The following DOCK10 variants were observed in gnomAD, a reference collection of about 807,000 sequenced individuals.
The protein encoded by DOCK10 is dedicator of cytokinesis protein 10.
A neutral mutation model predicts 280.1 loss-of-function variants in DOCK10; 145 were observed. The ratio of observed to expected loss-of-function variants is 0.52; its 90% CI spans 0.45 to 0.59. The LOEUF (loss-of-function observed/expected upper bound fraction) is 0.59. Among genes scored for constraint, DOCK10 ranks in the 20% least tolerant of loss-of-function variants. The pLI, the probability that DOCK10 is intolerant of heterozygous loss-of-function variation, is 0.00. For missense variants in DOCK10, 2,368 were observed against 2,651.7 expected (o/e 0.89, Z 2.35); for synonymous variants, 915 against 942.2 (o/e 0.97, Z 0.53).
chr2:225,004,595 A>C (rs1448327833), intron 1 of DOCK10, among the ~76,000 whole-genome samples: 4 of 152,256 alleles, frequency 2.6e-5, no homozygotes, highest in African/African-American at 9.6e-5. Context: ...CCAGAGCCAC[A>C]GAGCTAGCCT....
chr2:224,931,318 G>T (rs533895969), intron 2 of DOCK10, among the ~76,000 whole-genome samples: 1 of 152,200 alleles, frequency 6.6e-6, no homozygotes, highest in Non-Finnish European at 1.5e-5. Flanking sequence ...ACCGGGCAGT[G>T]TCCTGGGCCT....
intron 25 of DOCK10, among the ~76,000 whole-genome samples, chr2:224,834,583 CTCCACTGG>C (rs1042460163): frequency 6.6e-6 from 1 of 152,188 alleles, no homozygotes; most frequent in Non-Finnish European, 1.5e-5. Context: ...CTTCTCCTTC[CTCCACTGG>C]TAACAGGTGG....
At chr2:224,886,888 AC>A (rs200245451) in intron 4 of DOCK10, among the ~76,000 whole-genome samples, 3 of 142,480 alleles carry the variant, frequency 2.1e-5, no homozygotes, top group South Asian at 2.2e-4. Context: ...CACCCCCAAC[AC>A]CCCCCCAAGT....
At chr2:224,979,689 G>A (rs1301039340) in intron 1 of DOCK10, among the ~76,000 whole-genome samples, 1 of 152,206 alleles carries the variant, frequency 6.6e-6, no homozygotes, top group Non-Finnish European at 1.5e-5. Flanking sequence ...ACTCCTTAGG[G>A]TCTTTCCTCA....
At chr2:224,937,932 G>T (rs1224276414) in intron 1 of DOCK10, among the ~76,000 whole-genome samples, 1 of 152,138 alleles carries the variant, frequency 6.6e-6, no homozygotes, top group Non-Finnish European at 1.5e-5. Context: ...CGGCACTGGG[G>T]AGCTAATCAG....
intron 28 of DOCK10, among the ~76,000 whole-genome samples, chr2:224,822,385 ATACTT>A (rs1483648011): frequency 6.6e-6 from 1 of 152,182 alleles, no homozygotes; most frequent in Non-Finnish European, 1.5e-5. Context: ...TAGCTACTCA[ATACTT>A]TACTTGATAA....
chr2:224,983,170 G>A (rs1705834244), intron 1 of DOCK10, among the ~76,000 whole-genome samples: 1 of 152,168 alleles, frequency 6.6e-6, no homozygotes, highest in South Asian at 2.1e-4. Context: ...CAGCTGTAAA[G>A]CATTTTAACA....
At chr2:224,920,301 T>A (rs978704525) in intron 2 of DOCK10, among the ~76,000 whole-genome samples, 1 of 150,738 alleles carries the variant, frequency 6.6e-6, no homozygotes, top group Non-Finnish European at 1.5e-5. Context: ...CTCCAGCTCC[T>A]GGACTCAAGT....
chr2:224,989,392 G>T (rs1281289696), intron 1 of DOCK10, among the ~76,000 whole-genome samples: 1 of 152,194 alleles, frequency 6.6e-6, no homozygotes, highest in East Asian at 1.9e-4. Flanking sequence ...TTAGTGGAAT[G>T]AATGAATCAA....
At chr2:224,833,234 C>T (rs1184154440) in intron 26 of DOCK10, among the ~76,000 whole-genome samples, 1 of 151,886 alleles carries the variant, frequency 6.6e-6, no homozygotes, top group Non-Finnish European at 1.5e-5. Context: ...AACGACACAA[C>T]TCCCAGTTCT....
At chr2:224,820,026 G>C (rs971858584) in intron 28 of DOCK10, among the ~76,000 whole-genome samples, 1 of 152,092 alleles carries the variant, frequency 6.6e-6, no homozygotes, top group African/African-American at 2.4e-5. Context: ...CACTTATGGG[G>C]TTGTAAATCT....
chr2:224,778,254 A>G lies in DOCK10; in HGVS notation c.5686T>C (p.Tyr1896His). The change falls in exon 51 of 56, where the codon TAT (tyrosine) becomes CAT (histidine). Residue 1896 changes from tyrosine to histidine, a missense_variant. By Grantham distance (83) the Tyr-to-His change is moderately conservative. Around this residue, in one of 2 missense-constraint regions of DOCK10, gnomAD observed 1,159 missense variants for 1,400.8 expected, o/e 0.83. Transcript: ENST00000258390. The stretch of plus-strand genomic sequence containing the variant: ...GTCAGCTTAGGCTCTTTATAAATAT[A>G]CTCTTTACCTTCTTCTTCTTCAAAA... ...GFFEEEEGKE[Y>H]IYKEPKLTGL... The G allele has an allele frequency of 6.2e-7, 1 of 1,607,138 alleles. No homozygotes were observed. The highest frequency in any genetic ancestry group is 1.3e-5 in the African/African-American group (1 of 74,960).
intron 41 of DOCK10, among the ~76,000 whole-genome samples, chr2:224,798,982 G>T (rs1333644441): frequency 1.3e-5 from 2 of 152,118 alleles, no homozygotes; most frequent in East Asian, 3.8e-4. Flanking sequence ...TCATTTGGTA[G>T]AGCTGCAAAT....
chr2:224,783,724 CT>C (rs779020415), intron 50 of DOCK10, among the ~76,000 whole-genome samples: 10 of 151,438 alleles, frequency 6.6e-5, no homozygotes, highest in Non-Finnish European at 1.3e-4. Context: ...ACTGCCCCCC[CT>C]CAGTCTATTT....
chr2:224,857,222 T>G (rs1376417881), intron 14 of DOCK10, among the ~76,000 whole-genome samples: 1 of 152,240 alleles, frequency 6.6e-6, no homozygotes, highest in Non-Finnish European at 1.5e-5. Flanking sequence ...AACTATATTT[T>G]TTATGATGTC....
chr2:224,915,835 GGAGTCT>G (rs1210659342), intron 3 of DOCK10, among the ~76,000 whole-genome samples: 11 of 152,338 alleles, frequency 7.2e-5, no homozygotes, highest in African/African-American at 2.4e-4. Flanking sequence ...AAAGCTGCCT[GGAGTCT>G]GGTTAGAAGA....
chr2:224,832,421 G>C (rs1695297803), intron 26 of DOCK10, among the ~76,000 whole-genome samples: 1 of 152,030 alleles, frequency 6.6e-6, no homozygotes, highest in Admixed American at 6.6e-5. Context: ...ATGGGCATTT[G>C]GATTATATCC....
In DOCK10 at chr2:224,840,083, T is replaced by G. The variant is rs199843447; in HGVS notation, c.2662-11A>C. On this transcript the variant is annotated splice_polypyrimidine_tract_variant and intron_variant, in intron 23 of 55. Coordinates refer to ENST00000258390, the MANE Select transcript of DOCK10 (RefSeq NM_014689.3). ...CACATTCAATAAGTTCTGTAGTAAA[T>G]TGGCAGAAAAAAAGGATACCAATTA... 1,186 of 1,364,070 alleles carry G rather than the reference T, an allele frequency of 8.7e-4. 2 individuals carry two copies. The highest frequency in any genetic ancestry group is 1.1e-3 in the Non-Finnish European group (1,104 of 987,920). 84.5% of individuals were successfully genotyped at this position (1,364,070 alleles called of 1,614,324 possible). A position where few individuals can be genotyped will look rare whatever the true frequency, so the allele number is the denominator to read the frequency against.
chr2:224,841,015 G>A (rs1446577208), intron 23 of DOCK10, among the ~76,000 whole-genome samples: 1 of 152,142 alleles, frequency 6.6e-6, no homozygotes, highest in Non-Finnish European at 1.5e-5. Flanking sequence ...GGCACAGAAA[G>A]ACAAATACCG....
Sources: allele counts gnomAD v4.1 joint callset (sites outside exome capture counted in the v4.1 genomes callset), GRCh38; gene constraint gnomAD v4.1.1; regional missense constraint gnomAD v4.1.1; transcripts MANE v1.5; gene names NCBI Gene and HGNC (gene_info 2026-07-23, HGNC 2026-07-21).